Variants in PLCL2 observed in about 807,000 individuals in gnomAD.
PLCL2 encodes the protein phospholipase C like 2, also known as inactive phospholipase C-like protein 2.
In PLCL2, 4 loss-of-function variants were observed where a neutral mutation model predicts 79.6. The observed-to-expected ratio is 0.05, with a 90% CI of 0.02 to 0.11. PLCL2 has a LOEUF of 0.11. Ranked by LOEUF, PLCL2 falls within the 10% of genes least tolerant of loss-of-function variation. PLCL2 has a pLI of 1.00. For missense variants in PLCL2, 895 were observed against 1,291.0 expected (o/e 0.69, Z 4.70); for synonymous variants, 484 against 457.7 (o/e 1.06, Z -0.73).
At chr3:16,975,637 G>T (rs1000489093) in intron 1 of PLCL2, among the ~76,000 whole-genome samples, 11 of 152,150 alleles carry the variant, frequency 7.2e-5, no homozygotes, top group Non-Finnish European at 1.2e-4. Context: ...TACCATGGCG[G>T]TTCTTCCAAG....
intron 5 of PLCL2, among the ~76,000 whole-genome samples, chr3:17,073,968 G>C (rs965145972): frequency 1.3e-5 from 2 of 152,120 alleles, no homozygotes; most frequent in Admixed American, 6.6e-5. Context: ...TCCAAAATCA[G>C]CTTCTTCCAG....
At chr3:17,089,018 C>T (rs2065248348) in intron 5 of PLCL2, among the ~76,000 whole-genome samples, 1 of 152,202 alleles carries the variant, frequency 6.6e-6, no homozygotes, top group Admixed American at 6.5e-5. Flanking sequence ...TCAGTGAGGA[C>T]CTGCTGCGTG....
At chr3:16,952,048 T>C (rs1204584330) in intron 1 of PLCL2, among the ~76,000 whole-genome samples, 1 of 152,014 alleles carries the variant, frequency 6.6e-6, no homozygotes, top group African/African-American at 2.4e-5. Flanking sequence ...GATAGAAACC[T>C]GAGGACTTAC....
At chr3:17,089,075 G>A (rs2065248921) in intron 5 of PLCL2, among the ~76,000 whole-genome samples, 1 of 152,192 alleles carries the variant, frequency 6.6e-6, no homozygotes, top group African/African-American at 2.4e-5. Flanking sequence ...CTTCAGAGAT[G>A]GAGAACAGAT....
At chr3:16,906,025 G>A (rs1696744372) in intron 1 of PLCL2, among the ~76,000 whole-genome samples, 2 of 151,990 alleles carry the variant, frequency 1.3e-5, no homozygotes, top group Admixed American at 1.3e-4. Flanking sequence ...CTGCATTAAT[G>A]ACTTTCAGGC....
At chr3:16,927,579 G>C (rs1697285628) in intron 1 of PLCL2, among the ~76,000 whole-genome samples, 1 of 152,212 alleles carries the variant, frequency 6.6e-6, no homozygotes, top group African/African-American at 2.4e-5. Flanking sequence ...GTAAAGGTTG[G>C]TCTAGCACAG....
chr3:17,063,658 T>C (rs2064979339), intron 4 of PLCL2, among the ~76,000 whole-genome samples: 1 of 152,096 alleles, frequency 6.6e-6, no homozygotes, highest in African/African-American at 2.4e-5. Context: ...CCCACCATTC[T>C]CTGACAAGTT....
intron 4 of PLCL2, among the ~76,000 whole-genome samples, chr3:17,047,982 A>T (rs13066204): frequency 0.12 from 18,073 of 152,000 alleles, 1,560 homozygotes; most frequent in Non-Finnish European, 0.17. Flanking sequence ...CAAGCGATTT[A>T]TCTTACATAA....
At chr3:16,950,584 T>C (rs545774434) in intron 1 of PLCL2, among the ~76,000 whole-genome samples, 2 of 151,986 alleles carry the variant, frequency 1.3e-5, no homozygotes, top group African/African-American at 4.8e-5. Context: ...TTTTTTTTTT[T>C]CGATGCTGCT....
chr3:16,956,899 A>G (rs1218205119), intron 1 of PLCL2, among the ~76,000 whole-genome samples: 4 of 151,738 alleles, frequency 2.6e-5, no homozygotes, highest in African/African-American at 7.3e-5. Flanking sequence ...TTTTTATTGC[A>G]TCTATTTGAT....
In PLCL2 at chr3:16,993,474, G is replaced by A. The variant is rs73153216; in HGVS notation, c.328-16200G>A. 7.2e-3 allele frequency among the ~76,000 whole-genome samples: 1,099 copies of A among 152,226 alleles called. 19 individuals carry two copies. The highest frequency in any genetic ancestry group is 0.025 in the African/African-American group (1,050 of 41,542). ...GCTTGAACTTTAGTGAGTCAGTATA[G>A]AGTTGCGTAATGGACTGAAGGGTCA... On this transcript the variant is annotated intron_variant, in intron 1 of 5. Coordinates refer to ENST00000615277, the MANE Select transcript of PLCL2 (RefSeq NM_001144382.2).
At chr3:17,080,200 G>A (rs6772001) in intron 5 of PLCL2, among the ~76,000 whole-genome samples, 26,444 of 152,056 alleles carry the variant, frequency 0.17, 3,268 homozygotes, top group African/African-American at 0.35. Flanking sequence ...TGAGCCTAAC[G>A]TCCTGTACAA....
chr3:17,089,437 A>G (rs949403352), intron 5 of PLCL2, among the ~76,000 whole-genome samples: 2 of 152,176 alleles, frequency 1.3e-5, no homozygotes, highest in African/African-American at 4.8e-5. Context: ...ACAACTAATG[A>G]AAGATGTAAT....
chr3:16,950,346 A>G (rs2124958735), intron 1 of PLCL2, among the ~76,000 whole-genome samples: 1 of 152,256 alleles, frequency 6.6e-6, no homozygotes, highest in African/African-American at 2.4e-5. Context: ...CTTGCATACC[A>G]AGCATTTTAA....
chr3:17,026,694 C>T (rs537780230), intron 3 of PLCL2, among the ~76,000 whole-genome samples: 1 of 152,058 alleles, frequency 6.6e-6, no homozygotes, highest in South Asian at 2.1e-4. Flanking sequence ...ATGGTGAAAC[C>T]CCATCTCTAC....
In PLCL2 at chr3:16,910,521, G is replaced by C. The variant is rs576248731; in HGVS notation, c.327+25155G>C. Among the ~76,000 whole-genome samples the C allele has an allele frequency of 7.6e-4, 115 of 151,974 alleles. 4 individuals carry two copies. In the South Asian group the frequency reaches 0.023, roughly 31 times the overall value. On this transcript the variant is annotated intron_variant, in intron 1 of 5. Transcript: ENST00000615277. ...ATCAGTCTTTTCAGTCCCCTTTTCTGTTTGCTTCTCTTCTGTTTGCTTGCA... is the reference window on the plus strand; with the variant it reads ...ATCAGTCTTTTCAGTCCCCTTTTCTCTTTGCTTCTCTTCTGTTTGCTTGCA...
intron 3 of PLCL2, among the ~76,000 whole-genome samples, chr3:17,028,096 C>T (rs2064538227): frequency 6.6e-6 from 1 of 152,126 alleles, no homozygotes. Flanking sequence ...AAATAGTACT[C>T]CTTCTCTCAG....
chr3:16,933,721 T>A (rs1306019220), intron 1 of PLCL2, among the ~76,000 whole-genome samples: 1 of 152,100 alleles, frequency 6.6e-6, no homozygotes, highest in Non-Finnish European at 1.5e-5. Flanking sequence ...ATTGTGTAGA[T>A]GGATGTGTAA....
intron 1 of PLCL2, among the ~76,000 whole-genome samples, chr3:17,002,734 G>A (rs919527206): frequency 1.2e-4 from 19 of 152,018 alleles, no homozygotes; most frequent in African/African-American, 4.6e-4. Flanking sequence ...TTTCACGTAT[G>A]TTAGATAACA....
Sources: gnomAD v4.1 joint callset for allele counts (sites outside exome capture counted in the v4.1 genomes callset) on GRCh38, gnomAD v4.1.1 for gene constraint, MANE v1.5 for transcripts, NCBI Gene and HGNC (gene_info 2026-07-23, HGNC 2026-07-21) for gene names.